The following UHRF2 variants were observed in gnomAD, a reference collection of about 807,000 sequenced individuals.
The protein encoded by UHRF2 is ubiquitin like with PHD and ring finger domains 2.
UHRF2 carries 23 observed loss-of-function variants against 96.8 expected under a neutral mutation model. That is an observed-to-expected ratio of 0.24 (90% CI 0.17 to 0.34). The LOEUF (loss-of-function observed/expected upper bound fraction) is 0.34, where lower values mean the gene tolerates loss of function less well. Ranked by LOEUF, UHRF2 falls within the 10% of genes least tolerant of loss-of-function variation. The pLI, the probability that UHRF2 is intolerant of heterozygous loss-of-function variation, is 1.00. For synonymous variants in UHRF2, 385 were observed against 332.6 expected (o/e 1.16, Z -1.72); for missense variants, 685 against 981.5 (o/e 0.70, Z 4.04).
At position 6,502,298 on chromosome 9, in the gene UHRF2, G is replaced by A. The variant is rs561619383; in HGVS notation, c.2163+1589G>A. Among the ~76,000 whole-genome samples, 17 of 152,228 alleles carry A rather than the reference G, an allele frequency of 1.1e-4. No homozygotes were observed. In the East Asian group the frequency reaches 1.5e-3, roughly 14 times the overall value. The stretch of plus-strand genomic sequence containing the variant: ...ACTGTTTTATTTAAACATGCTCGAC[G>A]TCTTGATACCCCTGGGCCTTTACAT... On this transcript the variant is annotated intron_variant, in intron 14 of 15. Coordinates refer to ENST00000276893, the MANE Select transcript of UHRF2 (RefSeq NM_152896.3).
chr9:6,490,656 A>T lies in UHRF2; in HGVS notation c.1498-3170A>T, dbSNP rs114937616. 3.0e-3 allele frequency among the ~76,000 whole-genome samples: 455 copies of T among 152,344 alleles called. 3 individuals are homozygous for T. The highest frequency in any genetic ancestry group is 0.01 in the African/African-American group (430 of 41,576). On this transcript the variant is annotated intron_variant, in intron 9 of 15. Coordinates refer to ENST00000276893, the MANE Select transcript of UHRF2 (RefSeq NM_152896.3). ...AAAGAAGAAAAGAATATTATCTTAA[A>T]TATATGAAGTTTATTTTCTTGTTTC...
chr9:6,503,906 C>G (rs1587890907), intron 14 of UHRF2, among the ~76,000 whole-genome samples: 1 of 151,580 alleles, frequency 6.6e-6, no homozygotes, highest in East Asian at 1.9e-4. Context: ...CTTTTCCTAC[C>G]CAATACTCTG....
intron 10 of UHRF2, chr9:6,495,473 A>G (rs1824911920): frequency 6.6e-6 from 1 of 152,200 alleles, no homozygotes; most frequent in Non-Finnish European, 1.5e-5. Context: ...CTTTGCTCTG[A>G]CCCATAGTAT....
At chr9:6,499,007 G>A (rs1430852142) in intron 12 of UHRF2, 6 of 152,118 alleles carry the variant, frequency 3.9e-5, no homozygotes, top group Admixed American at 3.3e-4. Flanking sequence ...TGAAAATAAG[G>A]CCATCAACTG....
At chr9:6,471,400 C>G (rs540516826) in intron 4 of UHRF2, among the ~76,000 whole-genome samples, 34 of 152,334 alleles carry the variant, frequency 2.2e-4, no homozygotes, top group African/African-American at 7.9e-4. Flanking sequence ...CTTACTAATA[C>G]TCACCCTCAT....
chr9:6,481,865 T>C (rs1217868839), intron 7 of UHRF2, 99 bp downstream of exon 7: 4 of 1,539,450 alleles, frequency 2.6e-6, no homozygotes, highest in East Asian at 4.6e-5. Flanking sequence ...AACAGTATCA[T>C]TATTTGTTAA....
At chr9:6,492,868 AC>A (rs1208687267) in intron 9 of UHRF2, 1 of 116,976 alleles carries the variant, frequency 8.5e-6, no homozygotes, top group Non-Finnish European at 1.8e-5. Context: ...TTTAGTAGAT[AC>A]TTTATACTAC....
At chr9:6,422,297 G>C (rs548786061) in intron 2 of UHRF2, among the ~76,000 whole-genome samples, 1 of 151,920 alleles carries the variant, frequency 6.6e-6, no homozygotes, top group African/African-American at 2.4e-5. Context: ...GGTCAGGCTG[G>C]TCTCGAACTC....
chr9:6,427,462 A>G (rs1343570810), intron 2 of UHRF2, among the ~76,000 whole-genome samples: 2 of 152,070 alleles, frequency 1.3e-5, no homozygotes, highest in African/African-American at 2.4e-5. Flanking sequence ...CGAGGCAGGC[A>G]GAGCACCTGA....
chr9:6,452,930 T>A (rs1268905679), intron 3 of UHRF2, among the ~76,000 whole-genome samples: 1 of 152,196 alleles, frequency 6.6e-6, no homozygotes, highest in Non-Finnish European at 1.5e-5. Flanking sequence ...AGGTAACATT[T>A]GAGCGCATAA....
chr9:6,494,226 G>T, intron 10 of UHRF2: 1 of 291,746 alleles, frequency 3.4e-6, no homozygotes, highest in Non-Finnish European at 6.3e-6. Flanking sequence ...TTGAGAATAA[G>T]GTGGCTTGTC....
At chr9:6,500,422 G>T (rs1183518536) in intron 13 of UHRF2, 130 bp from the exon 14 acceptor site, 23 of 735,260 alleles carry the variant, frequency 3.1e-5, no homozygotes, top group Non-Finnish European at 4.3e-5. Context: ...AAATTTTAGG[G>T]GAAATTAGAT....
At chr9:6,446,890 G>T (rs983503759) in intron 3 of UHRF2, among the ~76,000 whole-genome samples, 6 of 151,258 alleles carry the variant, frequency 4.0e-5, no homozygotes, top group African/African-American at 1.5e-4. Context: ...TTTTATTTTT[G>T]GCATACTTTT....
At chr9:6,429,477 G>A (rs1378978255) in intron 2 of UHRF2, among the ~76,000 whole-genome samples, 1 of 152,042 alleles carries the variant, frequency 6.6e-6, no homozygotes, top group African/African-American at 2.4e-5. Context: ...TATAGTGGCG[G>A]GATCCACGCC....
intron 4 of UHRF2, among the ~76,000 whole-genome samples, chr9:6,471,755 T>G (rs533894589): frequency 6.6e-6 from 1 of 152,284 alleles, no homozygotes; most frequent in African/African-American, 2.4e-5. Context: ...TGCAGTAAGA[T>G]CTGAAGGGGC....
In UHRF2 at chr9:6,445,590, C is replaced by G. The variant is rs150277848; in HGVS notation, c.644+11417C>G. Among the ~76,000 whole-genome samples the G allele has an allele frequency of 3.3e-5, 5 of 152,272 alleles. 1 individual carries two copies. The East Asian group carries it at 9.7e-4, about 29-fold the overall frequency. On this transcript the variant is annotated intron_variant, in intron 3 of 15. Transcript: ENST00000276893. ...TATTTATTTTTGAGACAGGGTCTTACTGTGTCACACAGGTTGGAGTGCAGT... is the reference window on the plus strand; with the variant it reads ...TATTTATTTTTGAGACAGGGTCTTAGTGTGTCACACAGGTTGGAGTGCAGT...
intron 4 of UHRF2, among the ~76,000 whole-genome samples, chr9:6,470,827 A>C (rs1823201308): frequency 6.6e-6 from 1 of 152,224 alleles, no homozygotes; most frequent in Non-Finnish European, 1.5e-5. Flanking sequence ...GAAAGTGAAA[A>C]AATAAATATT....
chr9:6,445,856 T>C (rs552533726), intron 3 of UHRF2, among the ~76,000 whole-genome samples: 3 of 151,960 alleles, frequency 2.0e-5, no homozygotes, highest in Non-Finnish European at 4.4e-5. Flanking sequence ...TAGCCACTGG[T>C]CCTAGCTCTT....
intron 2 of UHRF2, among the ~76,000 whole-genome samples, chr9:6,425,526 G>A (rs908881249): frequency 1.3e-5 from 2 of 151,990 alleles, no homozygotes; most frequent in East Asian, 3.9e-4. Flanking sequence ...AGGCTGAGGA[G>A]GGTGGATCAC....
Sources: allele counts gnomAD v4.1 joint callset (sites outside exome capture counted in the v4.1 genomes callset), GRCh38; gene constraint gnomAD v4.1.1; transcripts MANE v1.5; gene names NCBI Gene and HGNC (gene_info 2026-07-23, HGNC 2026-07-21).